The following CAPN14 variants were observed in gnomAD, a reference collection of about 807,000 sequenced individuals.
The protein encoded by CAPN14 is calpain-14.
In CAPN14, 94 loss-of-function variants were observed where a neutral mutation model predicts 101.3. The ratio of observed to expected loss-of-function variants is 0.93; its 90% CI spans 0.79 to 1.10. CAPN14 has a LOEUF of 1.10. Ranked by LOEUF, CAPN14 falls within the 50% of genes least tolerant of loss-of-function variation. CAPN14 has a pLI of 0.00. For synonymous variants in CAPN14, 338 were observed against 317.9 expected (o/e 1.06, Z -0.67); for missense variants, 837 against 828.4 (o/e 1.01, Z -0.13).
chr2:31,230,132 T>G lies in CAPN14; in HGVS notation c.-176-3481A>C, dbSNP rs1683145450. Among the ~76,000 whole-genome samples, 1 of 152,210 alleles carries G rather than the reference T, an allele frequency of 6.6e-6. No homozygotes were observed. The highest frequency in any genetic ancestry group is 6.5e-5 in the Admixed American group (1 of 15,288). On this transcript the variant is annotated intron_variant and NMD_transcript_variant, in intron 1 of 21. Coordinates refer to the CAPN14 transcript ENST00000398824. This position sits in a 1 kb window ranked among gnomAD's most constrained non-coding sequence, Gnocchi z 4.3. ...TGTACAGATGATTTCATCACCCAGG[T>G]GTTAAGTCTAGTAACCAATAGTTCT...
chr2:31,179,969 C>G (rs527969549), intron 17 of CAPN14, among the ~76,000 whole-genome samples: 107 of 152,092 alleles, frequency 7.0e-4, no homozygotes, highest in Non-Finnish European at 1.3e-3. Context: ...ATTTTAAAAA[C>G]CAGCTTATGG....
intron 13 of CAPN14, among the ~76,000 whole-genome samples, chr2:31,188,912 CCTT>C (rs1558617429): frequency 6.6e-6 from 1 of 152,196 alleles, no homozygotes; most frequent in Non-Finnish European, 1.5e-5. Flanking sequence ...AAATTCTCCT[CCTT>C]GAGGCTCTTG....
In CAPN14 at chr2:31,177,143, C is replaced by A; in HGVS notation, c.1856-1G>T. ...CAGACGTCATCACTGAGCATGATTC[C>A]TGCATTGAGCACAAGCTCCTGCTGT... On this transcript the variant is annotated splice_acceptor_variant, in intron 19 of 21. Coordinates refer to ENST00000403897, the MANE Select transcript of CAPN14 (RefSeq NM_001145122.2). LOFTEE classifies it high-confidence loss of function. The A allele has an allele frequency of 6.5e-7, 1 of 1,548,260 alleles. No individual in the cohort carries two copies. Among genetic ancestry groups the A allele is most frequent in the South Asian group, 1.2e-5 (1 of 83,730 alleles).
intron 5 of CAPN14, among the ~76,000 whole-genome samples, chr2:31,201,197 ATGTG>A (rs374860700): frequency 0.037 from 4,803 of 131,034 alleles, 82 homozygotes; most frequent in Non-Finnish European, 0.047. Flanking sequence ...GTGTGTGTGC[ATGTG>A]TGTGTGTGCA....
At chr2:31,179,164 T>A (rs1489223666) in intron 17 of CAPN14, among the ~76,000 whole-genome samples, 4 of 151,006 alleles carry the variant, frequency 2.6e-5, no homozygotes, top group Non-Finnish European at 5.9e-5. Context: ...GTTGGTTTGC[T>A]GCACCCATTA....
intron 5 of CAPN14, among the ~76,000 whole-genome samples, chr2:31,201,474 C>T (rs1021569526): frequency 1.9e-4 from 29 of 152,098 alleles, no homozygotes; most frequent in African/African-American, 6.3e-4. Context: ...TGATCAGCTA[C>T]GTTGAGAGGG....
At chr2:31,187,642 CT>C in intron 15 of CAPN14, 115 bp downstream of exon 15, 2 of 879,612 alleles carry the variant, frequency 2.3e-6, no homozygotes, top group Non-Finnish European at 3.5e-6. Context: ...AATAGGTAGC[CT>C]TAAATCACAG....
chr2:31,190,408 A>C (rs904297434), intron 12 of CAPN14, among the ~76,000 whole-genome samples: 1 of 152,202 alleles, frequency 6.6e-6, no homozygotes, highest in African/African-American at 2.4e-5. Flanking sequence ...GACAATGAGA[A>C]CTAGGGAATC....
At chr2:31,222,123 A>G (rs1682878414), upstream of CAPN14, among the ~76,000 whole-genome samples, 1 of 152,212 alleles carries the variant, frequency 6.6e-6, no homozygotes, top group African/African-American at 2.4e-5. Context: ...AAAAGTTTTC[A>G]ATAGAACATG....
At position 31,214,802 on chromosome 2, in the gene CAPN14, C is replaced by T. The variant is rs72859359; in HGVS notation, c.-53+2654G>A. On this transcript the variant is annotated intron_variant, in intron 1 of 21. Coordinates refer to ENST00000403897, the MANE Select transcript of CAPN14 (RefSeq NM_001145122.2). The stretch of plus-strand genomic sequence containing the variant: ...AGCTTTCCCTGAGCAAAGGAACATC[C>T]GCTCGGCCTTTGTGGAAGTTGCACC... 9.6e-3 allele frequency among the ~76,000 whole-genome samples: 1,468 copies of T among 152,314 alleles called. 20 individuals carry two copies. Among genetic ancestry groups the T allele is most frequent in the African/African-American group, 0.034 (1,405 of 41,556 alleles).
chr2:31,177,186 A>C lies in CAPN14; in HGVS notation c.1856-44T>G, dbSNP rs150754320. On this transcript the variant is annotated intron_variant, in intron 19 of 21. Coordinates refer to ENST00000403897, the MANE Select transcript of CAPN14 (RefSeq NM_001145122.2). ...CCTGCTGTGGGTATTGGGGGCTTGC[A>C]CCCAGCTCCCCTCCTGCTCAAGGCC... is the stretch of plus-strand genomic sequence containing the variant. 1,135 of 1,343,930 alleles carry C rather than the reference A, an allele frequency of 8.4e-4. 8 individuals are homozygous for C. The African/African-American group carries it at 0.014, about 17-fold the overall frequency. 83.3% of individuals were successfully genotyped at this position (1,343,930 alleles called of 1,614,324 possible).
intron 1 of CAPN14, among the ~76,000 whole-genome samples, chr2:31,208,192 T>G (rs1382878929): frequency 6.6e-6 from 1 of 151,990 alleles, no homozygotes; most frequent in Admixed American, 6.6e-5. Flanking sequence ...AAACTGGAGT[T>G]TTTTTCCCTA....
At chr2:31,223,953 G>C (rs1402215087) in intron 2 of CAPN14, among the ~76,000 whole-genome samples, 1 of 152,188 alleles carries the variant, frequency 6.6e-6, no homozygotes, top group Non-Finnish European at 1.5e-5. Context: ...CATCAATGTT[G>C]ATAGTCATTT....
At chr2:31,206,861 C>T (rs142251943) in intron 1 of CAPN14, among the ~76,000 whole-genome samples, 3 of 152,156 alleles carry the variant, frequency 2.0e-5, no homozygotes, top group African/African-American at 7.2e-5. Flanking sequence ...ATTCATTCAC[C>T]AAAAATTTTA....
At chr2:31,209,626 G>A (rs1319013736) in intron 1 of CAPN14, among the ~76,000 whole-genome samples, 4 of 152,102 alleles carry the variant, frequency 2.6e-5, no homozygotes, top group Non-Finnish European at 5.9e-5. Context: ...TTTACTAAAA[G>A]GTAAATGGGA....
At chr2:31,197,654 G>C (rs1048133775) in intron 7 of CAPN14, among the ~76,000 whole-genome samples, 3 of 152,194 alleles carry the variant, frequency 2.0e-5, no homozygotes, top group African/African-American at 7.2e-5. Flanking sequence ...ACCCTATTTG[G>C]AAAAAGGATC....
intron 17 of CAPN14, among the ~76,000 whole-genome samples, chr2:31,180,350 T>C (rs1558611463): frequency 1.3e-5 from 2 of 152,214 alleles, no homozygotes; most frequent in Non-Finnish European, 2.9e-5. Context: ...CCTTAGGCTA[T>C]CTATTCAATA....
At chr2:31,206,380 A>T (rs1319745080) in intron 1 of CAPN14, among the ~76,000 whole-genome samples, 1 of 152,138 alleles carries the variant, frequency 6.6e-6, no homozygotes, top group African/African-American at 2.4e-5. Flanking sequence ...GCGAGCCGGC[A>T]GTGCATCAGA....
At chr2:31,180,496 T>C (rs566347083) in intron 17 of CAPN14, among the ~76,000 whole-genome samples, 1 of 152,326 alleles carries the variant, frequency 6.6e-6, no homozygotes, top group South Asian at 2.1e-4. Context: ...CCCTGAGCAC[T>C]GGTTTCCTGA....
Sources: gnomAD v4.1 joint callset for allele counts (sites outside exome capture counted in the v4.1 genomes callset) on GRCh38, gnomAD v4.1.1 for gene constraint, Gnocchi (gnomAD v3.1) non-coding constraint, MANE v1.5 for transcripts, NCBI Gene and HGNC (gene_info 2026-07-23, HGNC 2026-07-21) for gene names.